Variants in CLDN16 observed in about 807,000 individuals in gnomAD.
CLDN16 encodes the protein claudin-16.
A neutral mutation model predicts 24.6 loss-of-function variants in CLDN16; 13 were observed. The observed-to-expected ratio is 0.53, with a 90% CI of 0.34 to 0.84. The LOEUF (loss-of-function observed/expected upper bound fraction) is 0.84, where lower values mean the gene tolerates loss of function less well. Ranked by LOEUF, CLDN16 falls within the 40% of genes least tolerant of loss-of-function variation. CLDN16 has a pLI of 0.01. For missense variants in CLDN16, 298 were observed against 292.7 expected, an observed-to-expected ratio of 1.02 and a Z score of -0.13; for synonymous variants, 116 against 106.7, an observed-to-expected ratio of 1.09 and a Z score of -0.54.
At chr3:190,344,714 T>G (rs1326321347) in intron 1 of CLDN16, among the ~76,000 whole-genome samples, 1 of 150,930 alleles carries the variant, frequency 6.6e-6, no homozygotes, top group Non-Finnish European at 1.5e-5. Flanking sequence ...AAAAAAAAAC[T>G]AAGGATTCCA....
At chr3:190,386,914 C>G (rs1366296027), upstream of CLDN16, among the ~76,000 whole-genome samples, 1 of 152,000 alleles carries the variant, frequency 6.6e-6, no homozygotes, top group Non-Finnish European at 1.5e-5. Flanking sequence ...TGATTTTAGC[C>G]TTTTATACTG....
At chr3:190,360,547 A>G (rs1281177814) in intron 1 of CLDN16, among the ~76,000 whole-genome samples, 1 of 151,982 alleles carries the variant, frequency 6.6e-6, no homozygotes, top group Non-Finnish European at 1.5e-5. Flanking sequence ...AACAAAATGT[A>G]GCTAGAGTTT....
intron 1 of CLDN16, among the ~76,000 whole-genome samples, chr3:190,364,684 A>C (rs1165639145): frequency 6.6e-6 from 1 of 151,884 alleles, no homozygotes; most frequent in African/African-American, 2.4e-5. Context: ...GGCTGCCTGC[A>C]CTGCAGTCTA....
the CLDN16 span, among the ~76,000 whole-genome samples, chr3:190,311,317 T>G: frequency 6.6e-6 from 1 of 152,184 alleles, no homozygotes; most frequent in Non-Finnish European, 1.5e-5. Flanking sequence ...CAAAGATTAC[T>G]ATTCGCAGCC....
the CLDN16 span, among the ~76,000 whole-genome samples, chr3:190,313,949 G>A: frequency 6.6e-6 from 1 of 152,064 alleles, no homozygotes; most frequent in Admixed American, 6.5e-5. Context: ...AAACTATGCT[G>A]GTTAGAAGAT....
chr3:190,325,368 G>T (rs1042750812), intron 1 of CLDN16, among the ~76,000 whole-genome samples: 2 of 151,984 alleles, frequency 1.3e-5, no homozygotes, highest in African/African-American at 4.8e-5. Flanking sequence ...TACTTATCAT[G>T]TGTTTCTTGC....
chr3:190,408,795 C>T (rs1460901448), intron 4 of CLDN16, among the ~76,000 whole-genome samples: 1 of 147,660 alleles, frequency 6.8e-6, no homozygotes, highest in East Asian at 2.0e-4. Context: ...TATATACACA[C>T]ATATACATAC....
chr3:190,328,287 C>A (rs1050201298), intron 1 of CLDN16, among the ~76,000 whole-genome samples: 3 of 152,020 alleles, frequency 2.0e-5, no homozygotes, highest in African/African-American at 7.2e-5. Flanking sequence ...CACACACACA[C>A]AAAATATCTT....
intron 3 of CLDN16, among the ~76,000 whole-genome samples, chr3:190,374,812 A>G (rs541624722): frequency 2.0e-5 from 3 of 152,146 alleles, no homozygotes; most frequent in African/African-American, 7.2e-5. Context: ...TATTTCAAAA[A>G]TTCTACATGT....
At chr3:190,401,829 A>T (rs1223336798) in intron 1 of CLDN16, among the ~76,000 whole-genome samples, 1 of 152,016 alleles carries the variant, frequency 6.6e-6, no homozygotes, top group African/African-American at 2.4e-5. Flanking sequence ...TTTGCTAATT[A>T]TTTTATATTT....
At chr3:190,390,633 T>G (rs1718628470) in intron 1 of CLDN16, among the ~76,000 whole-genome samples, 1 of 152,200 alleles carries the variant, frequency 6.6e-6, no homozygotes, top group African/African-American at 2.4e-5. Context: ...CAATAATCTC[T>G]TATAATAATT....
At chr3:190,341,757 T>C (rs113075068) in intron 1 of CLDN16, among the ~76,000 whole-genome samples, 5,957 of 152,296 alleles carry the variant, frequency 0.039, 390 homozygotes, top group African/African-American at 0.13. Context: ...TTCTGAACTT[T>C]GATGCTCTGT....
At chr3:190,383,190 C>G (rs576648726), upstream of CLDN16, among the ~76,000 whole-genome samples, 3 of 152,176 alleles carry the variant, frequency 2.0e-5, no homozygotes, top group South Asian at 6.2e-4. Context: ...AACAAATAAA[C>G]TTAACCCCAA....
chr3:190,351,886 G>A (rs1046461736), intron 1 of CLDN16, among the ~76,000 whole-genome samples: 2 of 151,966 alleles, frequency 1.3e-5, no homozygotes, highest in African/African-American at 4.8e-5. Flanking sequence ...TTTTAATTGT[G>A]GAAACATTCA....
chr3:190,323,167 A>G (rs1260646928), intron 1 of CLDN16, among the ~76,000 whole-genome samples: 6 of 152,172 alleles, frequency 3.9e-5, no homozygotes, highest in Admixed American at 6.6e-5. Flanking sequence ...ATGAAACTGC[A>G]GGCTAGCAGC....
intron 1 of CLDN16, among the ~76,000 whole-genome samples, chr3:190,349,194 A>T (rs1717619978): frequency 6.6e-6 from 1 of 152,076 alleles, no homozygotes; most frequent in South Asian, 2.1e-4. Context: ...GTGTTGGGGG[A>T]GGGACCTGGT....
At chr3:190,323,267 T>C (rs957599334) in intron 1 of CLDN16, among the ~76,000 whole-genome samples, 1 of 152,148 alleles carries the variant, frequency 6.6e-6, no homozygotes, top group African/African-American at 2.4e-5. Context: ...AGTGCCCCGC[T>C]CTCCCTGAAA....
At chr3:190,345,971 C>T (rs1317803884) in intron 1 of CLDN16, among the ~76,000 whole-genome samples, 1 of 151,636 alleles carries the variant, frequency 6.6e-6, no homozygotes, top group Non-Finnish European at 1.5e-5. Context: ...GGACTAAACC[C>T]AAATAACAAG....
intron 2 of CLDN16, 63 bp downstream of exon 2, chr3:190,402,502 G>T: frequency 7.7e-7 from 1 of 1,294,278 alleles, no homozygotes; most frequent in Non-Finnish European, 1.1e-6. Context: ...CTGAGTTCAG[G>T]TTTCCATTTT....
Sources: allele counts gnomAD v4.1 joint callset (sites outside exome capture counted in the v4.1 genomes callset), GRCh38; gene constraint gnomAD v4.1.1; transcripts MANE v1.5; gene names NCBI Gene and HGNC (gene_info 2026-07-23, HGNC 2026-07-21).